Variants in SYT1 observed in about 807,000 individuals in gnomAD.
SYT1 encodes synaptotagmin 1, also known as synaptotagmin-1.
In SYT1, 8 loss-of-function variants were observed where a neutral mutation model predicts 44.8. The ratio of observed to expected loss-of-function variants is 0.18; its 90% CI spans 0.10 to 0.32. The LOEUF (loss-of-function observed/expected upper bound fraction) is 0.32, where lower values mean the gene tolerates loss of function less well. Among genes scored for constraint, SYT1 ranks in the 10% least tolerant of loss-of-function variants. The probability of loss-of-function intolerance (pLI) is 1.00; values close to 1 mark genes in which losing one functional copy is unlikely to be tolerated. For missense variants in SYT1, 286 were observed against 509.3 expected (o/e 0.56, Z 4.22); for synonymous variants, 154 against 188.8 (o/e 0.82, Z 1.51).
At position 79,276,139 on chromosome 12, in the gene SYT1, AAAACAAAC is replaced by A. The variant is rs56995721; in HGVS notation, c.167-9634_167-9627del. Among the ~76,000 whole-genome samples the A allele has an allele frequency of 9.2e-3, 1,393 of 151,508 alleles. 39 individuals are homozygous for A. In the East Asian group the frequency reaches 0.12, roughly 13 times the overall value. On this transcript the variant is annotated intron_variant, in intron 4 of 10. Coordinates refer to ENST00000261205, the MANE Select transcript of SYT1 (RefSeq NM_005639.3). ...ACCAGAAAAATGATTCTGGCAATAT[AAAACAAAC>A]AAACAAACAAACAGTTTTATAACAC...
chr12:79,228,465 G>C (rs1187591807), intron 4 of SYT1, among the ~76,000 whole-genome samples: 1 of 151,874 alleles, frequency 6.6e-6, no homozygotes, highest in Non-Finnish European at 1.5e-5. Context: ...ATCACTATTG[G>C]CCTTCATCTA....
intron 1 of SYT1, among the ~76,000 whole-genome samples, chr12:78,943,182 G>A (rs957622025): frequency 6.6e-6 from 1 of 152,112 alleles, no homozygotes; most frequent in African/African-American, 2.4e-5. Flanking sequence ...CCCATCTGTG[G>A]TTGGAATTTC....
chr12:79,366,793 T>C (rs1883560730), intron 9 of SYT1, among the ~76,000 whole-genome samples: 3 of 152,190 alleles, frequency 2.0e-5, no homozygotes, highest in African/African-American at 7.2e-5. Flanking sequence ...AAATATTGGT[T>C]ATTTCTAAGC....
chr12:79,430,413 A>G (rs1195649099), intron 9 of SYT1, among the ~76,000 whole-genome samples: 2 of 152,206 alleles, frequency 1.3e-5, no homozygotes, highest in South Asian at 2.1e-4. Flanking sequence ...TCTCTTCCCA[A>G]CTGAACTATA....
At chr12:78,904,882 A>G (rs1340478614) in intron 1 of SYT1, among the ~76,000 whole-genome samples, 7 of 152,132 alleles carry the variant, frequency 4.6e-5, no homozygotes, top group Non-Finnish European at 2.9e-5. Context: ...TTGGTAAAAG[A>G]TTTCAAAGTT....
rs577991356 is a variant in SYT1, at chr12:78,876,560, T to C, written c.-217+11451T>C. On this transcript the variant is annotated intron_variant, in intron 1 of 10. Coordinates refer to ENST00000261205, the MANE Select transcript of SYT1 (RefSeq NM_005639.3). ...TATACTATATATATGAGTGTGTGTATATATATACACACATATACACACACA... is the reference window on the plus strand; with the variant it reads ...TATACTATATATATGAGTGTGTGTACATATATACACACATATACACACACA... Among the ~76,000 whole-genome samples the C allele has an allele frequency of 2.4e-4, 34 of 140,582 alleles. No individual in the cohort carries two copies. The South Asian group carries it at 4.6e-3, about 19-fold the overall frequency. 92.2% of individuals were successfully genotyped at this position (140,582 alleles called of 152,430 possible).
chr12:78,873,917 T>C (rs1022310410), intron 1 of SYT1, among the ~76,000 whole-genome samples: 1 of 151,574 alleles, frequency 6.6e-6, no homozygotes, highest in Non-Finnish European at 1.5e-5. Context: ...CATTGCAATG[T>C]GGAATAATAT....
intron 3 of SYT1, among the ~76,000 whole-genome samples, chr12:79,114,919 T>TA (rs1241487991): frequency 6.6e-6 from 1 of 152,144 alleles, no homozygotes; most frequent in South Asian, 2.1e-4. Context: ...TAAAATGTTT[T>TA]AAAAAATGAA....
intron 3 of SYT1, among the ~76,000 whole-genome samples, chr12:79,161,319 C>A (rs963199297): frequency 5.3e-5 from 8 of 151,944 alleles, no homozygotes; most frequent in African/African-American, 1.9e-4. Flanking sequence ...AAATACTTAC[C>A]ATTGTGTTAC....
At chr12:79,348,410 A>C (rs1051168608) in intron 8 of SYT1, among the ~76,000 whole-genome samples, 1 of 152,206 alleles carries the variant, frequency 6.6e-6, no homozygotes, top group Non-Finnish European at 1.5e-5. Context: ...TAAACAAATC[A>C]GGATGTTTGG....
chr12:79,166,980 TA>T (rs1173823186), intron 3 of SYT1, among the ~76,000 whole-genome samples: 3 of 152,102 alleles, frequency 2.0e-5, no homozygotes, highest in African/African-American at 7.2e-5. Flanking sequence ...ATGAGATCTA[TA>T]ATGAAAGTGC....
chr12:79,120,159 C>G lies in SYT1; in HGVS notation c.-18+72797C>G, dbSNP rs549629900. Among the ~76,000 whole-genome samples, 4 of 152,102 alleles carry G rather than the reference C, an allele frequency of 2.6e-5. No individual in the cohort carries two copies. In the South Asian group the frequency reaches 8.3e-4, roughly 32 times the overall value. On this transcript the variant is annotated intron_variant, in intron 3 of 10. Coordinates refer to ENST00000261205, the MANE Select transcript of SYT1 (RefSeq NM_005639.3). ...TAGGAAAAAATATATATATATTTAC[C>G]CAAGTCAGAATGTTCGTATGCGGCG... is the stretch of plus-strand genomic sequence containing the variant.
At chr12:79,433,088 C>T (rs1289191719) in intron 9 of SYT1, among the ~76,000 whole-genome samples, 1 of 152,126 alleles carries the variant, frequency 6.6e-6, no homozygotes, top group Non-Finnish European at 1.5e-5. Flanking sequence ...TTCCAGGTCT[C>T]CCTCAGTTAT....
At chr12:79,217,806 G>T in intron 4 of SYT1, 121 bp downstream of exon 4, 1 of 692,234 alleles carries the variant, frequency 1.4e-6, no homozygotes, top group Non-Finnish European at 2.1e-6. Context: ...ATTACTATGG[G>T]AATGATAGTA....
At chr12:79,312,120 A>G (rs1254494406) in intron 8 of SYT1, among the ~76,000 whole-genome samples, 3 of 152,154 alleles carry the variant, frequency 2.0e-5, no homozygotes, top group Non-Finnish European at 4.4e-5. Flanking sequence ...CTGCAAAAGT[A>G]AAACCATTTG....
rs75011106 is a variant in SYT1, at chr12:79,269,090, C to CT, written c.167-16683dup. Among the ~76,000 whole-genome samples, 1,432 of 144,006 alleles carry CT rather than the reference C, an allele frequency of 9.9e-3. 10 individuals carry two copies. Among genetic ancestry groups the CT allele is most frequent in the African/African-American group, 0.018 (706 of 39,296 alleles). 94.5% of individuals were successfully genotyped at this position (144,006 alleles called of 152,430 possible). ...CAGGCCCCTTTTATCTTGCCCTTCT[C>CT]TTTTTTTTTTTTTTATTGAATATCA... On this transcript the variant is annotated intron_variant, in intron 4 of 10. Transcript: ENST00000261205.
chr12:79,057,917 A>T (rs1039429087), intron 3 of SYT1, among the ~76,000 whole-genome samples: 1 of 152,078 alleles, frequency 6.6e-6, no homozygotes, highest in South Asian at 2.1e-4. Context: ...TGAGCATTAC[A>T]TATGTCACAA....
chr12:79,352,236 A>G (rs1882940756), intron 8 of SYT1, among the ~76,000 whole-genome samples: 1 of 151,992 alleles, frequency 6.6e-6, no homozygotes, highest in Non-Finnish European at 1.5e-5. Flanking sequence ...CTTACCTGTT[A>G]AATTACATCT....
At chr12:79,371,001 C>A (rs1021121223) in intron 9 of SYT1, among the ~76,000 whole-genome samples, 1 of 146,544 alleles carries the variant, frequency 6.8e-6, no homozygotes. Context: ...TTATTTTTTC[C>A]TTAAGATAAT....
Sources: gnomAD v4.1 joint callset for allele counts (sites outside exome capture counted in the v4.1 genomes callset) on GRCh38, gnomAD v4.1.1 for gene constraint, MANE v1.5 for transcripts, NCBI Gene and HGNC (gene_info 2026-07-23, HGNC 2026-07-21) for gene names.